Variants in RP1 observed in about 807,000 individuals in gnomAD.
RP1 encodes RP1 axonemal microtubule associated.
RP1 carries 16 observed loss-of-function variants against 14.8 expected under a neutral mutation model. That is an observed-to-expected ratio of 1.08 (90% CI 0.73 to 1.65). The LOEUF is 1.65. Ranked by LOEUF, RP1 falls within the 40% of genes most tolerant of loss-of-function variation. RP1 has a pLI of 0.00. For missense variants in RP1, 2,631 were observed against 2,535.0 expected, an observed-to-expected ratio of 1.04 and a Z score of -0.81; for synonymous variants, 876 against 883.6, an observed-to-expected ratio of 0.99 and a Z score of 0.15.
intron 1 of RP1, among the ~76,000 whole-genome samples, chr8:54,588,216 GAATCTTAC>G (rs1223879517): frequency 2.6e-5 from 4 of 152,196 alleles, no homozygotes; most frequent in African/African-American, 4.8e-5. Context: ...ACTGAAGAAG[GAATCTTAC>G]AGAAACAATG....
At chr8:54,823,238 A>T (rs868219798) in intron 24 of RP1, among the ~76,000 whole-genome samples, 1 of 152,150 alleles carries the variant, frequency 6.6e-6, no homozygotes, top group Non-Finnish European at 1.5e-5. Flanking sequence ...TCTCTGGCAA[A>T]CATGCTTCTC....
At chr8:54,726,616 T>TTTTTTA (rs1808661703) in intron 17 of RP1, 2 of 790,274 alleles carry the variant, frequency 2.5e-6, no homozygotes, top group South Asian at 9.2e-5. Flanking sequence ...AGCTGTTATC[T>TTTTTTA]TGCTTTTTTA....
rs557372716 is a variant in RP1 at position 54,605,595 on chromosome 8, G to A, written c.-12-15360G>A. ...CTGAGTTCAGTTCCTGGATATCCTT[G>A]TTAACTTTCTGTCTCGTTGATCTGT... On this transcript the variant is annotated intron_variant, in intron 1 of 22. Transcript: ENST00000636932. Among the ~76,000 whole-genome samples the A allele has an allele frequency of 1.6e-3, 251 of 152,190 alleles. 1 individual carries two copies. Among genetic ancestry groups the A allele is most frequent in the Non-Finnish European group, 3.0e-3 (202 of 68,012 alleles).
chr8:54,602,107 A>T (rs1247515400), intron 1 of RP1, among the ~76,000 whole-genome samples: 1 of 152,218 alleles, frequency 6.6e-6, no homozygotes, highest in Non-Finnish European at 1.5e-5. Context: ...ACATATGTAT[A>T]CATGTGCCAT....
chr8:54,868,759 T>A (rs1413888822), intron 28 of RP1, among the ~76,000 whole-genome samples: 1 of 152,198 alleles, frequency 6.6e-6, no homozygotes, highest in African/African-American at 2.4e-5. Flanking sequence ...TTAGATGACA[T>A]AAGCTTTACT....
At chr8:54,594,345 G>C (rs1805095472) in intron 1 of RP1, among the ~76,000 whole-genome samples, 1 of 152,202 alleles carries the variant, frequency 6.6e-6, no homozygotes, top group Non-Finnish European at 1.5e-5. Flanking sequence ...GCAAGGAAGA[G>C]CACTTTGTGT....
chr8:54,666,103 C>T (rs963999616), intron 7 of RP1, among the ~76,000 whole-genome samples: 4 of 151,964 alleles, frequency 2.6e-5, no homozygotes, highest in Admixed American at 1.3e-4. Context: ...ATGGGACATT[C>T]GATGTATGGA....
intron 28 of RP1, among the ~76,000 whole-genome samples, chr8:54,868,831 G>A (rs1216035590): frequency 6.6e-6 from 1 of 152,112 alleles, no homozygotes; most frequent in East Asian, 1.9e-4. Flanking sequence ...TATGGGAAAA[G>A]AAAAGGTCTC....
chr8:54,736,678 G>C (rs952876630), intron 18 of RP1, among the ~76,000 whole-genome samples: 1 of 152,208 alleles, frequency 6.6e-6, no homozygotes, highest in Non-Finnish European at 1.5e-5. Flanking sequence ...TACCTCAGTG[G>C]TGGAGATTGG....
At chr8:54,763,114 G>A (rs1360981845) in intron 22 of RP1, among the ~76,000 whole-genome samples, 1 of 152,096 alleles carries the variant, frequency 6.6e-6, no homozygotes. Context: ...GTAATGTATT[G>A]TTTAGCATTA....
At chr8:54,585,672 A>G (rs1804904220) in intron 1 of RP1, among the ~76,000 whole-genome samples, 1 of 152,058 alleles carries the variant, frequency 6.6e-6, no homozygotes, top group Non-Finnish European at 1.5e-5. Flanking sequence ...ATAGTCCTAT[A>G]TTTCTTGGAG....
intron 24 of RP1, among the ~76,000 whole-genome samples, chr8:54,785,556 C>A (rs993147818): frequency 1.3e-5 from 2 of 151,962 alleles, no homozygotes; most frequent in African/African-American, 4.8e-5. Context: ...TGGGTATATA[C>A]CTAGGAGTAA....
At chr8:54,580,811 G>A (rs1451357256) in intron 1 of RP1, among the ~76,000 whole-genome samples, 1 of 151,670 alleles carries the variant, frequency 6.6e-6, no homozygotes, top group Non-Finnish European at 1.5e-5. Context: ...TAGAGACGGG[G>A]TTTCTCCATA....
At chr8:54,790,382 A>G (rs945899547) in intron 24 of RP1, among the ~76,000 whole-genome samples, 1 of 152,168 alleles carries the variant, frequency 6.6e-6, no homozygotes, top group African/African-American at 2.4e-5. Flanking sequence ...GGAATACCTG[A>G]TTGCTTCCTT....
At chr8:54,812,129 G>C (rs559453593) in intron 24 of RP1, among the ~76,000 whole-genome samples, 1 of 152,078 alleles carries the variant, frequency 6.6e-6, no homozygotes, top group South Asian at 2.1e-4. Context: ...ATGTACGTTT[G>C]TCAGATTTTT....
intron 12 of RP1, among the ~76,000 whole-genome samples, chr8:54,697,914 G>GT (rs1318347769): frequency 1.3e-5 from 2 of 152,072 alleles, no homozygotes; most frequent in African/African-American, 2.4e-5. Context: ...AGACTTAAAC[G>GT]TAACACCTAA....
intron 21 of RP1, chr8:54,758,858 T>A: frequency 1.4e-5 from 21 of 1,462,222 alleles, no homozygotes; most frequent in East Asian, 5.0e-5. Context: ...TATTATTGCC[T>A]GCATTTGTCA....
chr8:54,606,342 CT>C (rs1563323802), intron 1 of RP1, among the ~76,000 whole-genome samples: 2 of 151,974 alleles, frequency 1.3e-5, no homozygotes, highest in African/African-American at 4.8e-5. Flanking sequence ...GTTGAAAATT[CT>C]TTTCTTTAAG....
rs2129341673 is a variant in RP1 at position 54,696,564 on chromosome 8, T to C, written c.1718-2903T>C. The C allele has an allele frequency of 4.1e-6, 3 of 734,140 alleles. No homozygotes were observed. In the East Asian group the frequency reaches 7.5e-5, roughly 18 times the overall value. The allele number at this position is 734,140 out of a possible 1,614,324, so 45.5% of individuals were successfully genotyped here. A position where few individuals can be genotyped will look rare whatever the true frequency, so the allele number is the denominator to read the frequency against. On this transcript the variant is annotated intron_variant, in intron 12 of 22. Transcript: ENST00000636932. ...AGGTTTAAGTGACTGGAATTATTCC[T>C]ACATGACTCCTGGCAGCAGAAACGT...
Sources: gnomAD v4.1 joint callset for allele counts (sites outside exome capture counted in the v4.1 genomes callset) on GRCh38, gnomAD v4.1.1 for gene constraint, MANE v1.5 for transcripts, NCBI Gene and HGNC (gene_info 2026-07-23, HGNC 2026-07-21) for gene names.